The following TTBK2 variants were observed in gnomAD, a reference collection of about 807,000 sequenced individuals.
TTBK2 encodes the protein tau-tubulin kinase 2.
A neutral mutation model predicts 110.8 loss-of-function variants in TTBK2; 28 were observed. That is an observed-to-expected ratio of 0.25 (90% CI 0.19 to 0.35). The LOEUF (loss-of-function observed/expected upper bound fraction) is 0.35, where lower values mean the gene tolerates loss of function less well. Ranked by LOEUF, TTBK2 falls within the 10% of genes least tolerant of loss-of-function variation. The pLI is 1.00. For missense variants in TTBK2, 1,369 were observed against 1,500.3 expected (o/e 0.91, Z 1.45); for synonymous variants, 532 against 527.3 (o/e 1.01, Z -0.12).
chr15:42,803,814 TGA>T (rs1474149520), intron 9 of TTBK2, among the ~76,000 whole-genome samples: 1 of 152,018 alleles, frequency 6.6e-6, no homozygotes, highest in Non-Finnish European at 1.5e-5. Context: ...GCCGATCACC[TGA>T]GGTCAGGAGT....
chr15:42,786,659 C>T (rs1447003549), intron 10 of TTBK2, among the ~76,000 whole-genome samples: 2 of 152,102 alleles, frequency 1.3e-5, no homozygotes, highest in African/African-American at 4.8e-5. Flanking sequence ...CCTACTTTTT[C>T]TCTTATCTCT....
intron 9 of TTBK2, among the ~76,000 whole-genome samples, chr15:42,804,569 C>A (rs1199264704): frequency 6.6e-6 from 1 of 152,100 alleles, no homozygotes; most frequent in Non-Finnish European, 1.5e-5. Context: ...TTAAACAGGT[C>A]TTTTAAGTAT....
intron 7 of TTBK2, among the ~76,000 whole-genome samples, chr15:42,812,189 T>C (rs1209231113): frequency 2.6e-5 from 4 of 152,266 alleles, no homozygotes; most frequent in Middle Eastern, 3.4e-3. Flanking sequence ...GGGACAGGCA[T>C]AAAGGCCTTG....
chr15:42,784,210 T>C (rs1890308325), intron 10 of TTBK2, among the ~76,000 whole-genome samples: 1 of 152,230 alleles, frequency 6.6e-6, no homozygotes, highest in Non-Finnish European at 1.5e-5. Flanking sequence ...CACCCTAATT[T>C]GACAATCACT....
In TTBK2 at chr15:42,740,292, C is replaced by T. The variant is rs2061742142; in HGVS notation, c.*5503G>A. The stretch of plus-strand genomic sequence containing the variant: ...AAGGCTTCACTACTTTTACATGTTA[C>T]CTTAAGACCAAAGATCCAGCAAAGT... On this transcript the variant is annotated 3_prime_UTR_variant, in exon 15 of 15. Transcript: ENST00000267890. 1 of 152,184 alleles carries T rather than the reference C, an allele frequency of 6.6e-6. No homozygotes were observed. The highest frequency in any genetic ancestry group is 1.5e-5 in the Non-Finnish European group (1 of 68,032). The allele number at this position is 152,184 out of a possible 1,614,324, so 9.4% of individuals were successfully genotyped here. A position where few individuals can be genotyped will look rare whatever the true frequency, so the allele number is the denominator to read the frequency against.
intron 13 of TTBK2, among the ~76,000 whole-genome samples, chr15:42,753,696 G>C (rs557888948): frequency 5.9e-5 from 9 of 152,282 alleles, no homozygotes; most frequent in African/African-American, 1.9e-4. Context: ...CCTGGCCACA[G>C]CTCCCTTCTT....
intron 4 of TTBK2, among the ~76,000 whole-genome samples, chr15:42,838,297 G>A (rs2141009995): frequency 6.6e-6 from 1 of 152,054 alleles, no homozygotes; most frequent in African/African-American, 2.4e-5. Context: ...CTAGATCTAG[G>A]CAGCAAGATC....
chr15:42,763,863 TCCTTA>T (rs1244748782), intron 13 of TTBK2, among the ~76,000 whole-genome samples: 1 of 152,180 alleles, frequency 6.6e-6, no homozygotes, highest in Non-Finnish European at 1.5e-5. Context: ...GCTGCTTTTG[TCCTTA>T]CCTTGTCATC....
intron 7 of TTBK2, among the ~76,000 whole-genome samples, chr15:42,815,958 A>AAATATATATATATATATATAT (rs71108183): frequency 2.1e-4 from 19 of 91,690 alleles, no homozygotes; most frequent in African/African-American, 7.4e-4. Flanking sequence ...TTAAAAAAAA[A>AAATATATATATATATATATAT]ATATATATAT....
chr15:42,865,272 C>G (rs1367279842), intron 3 of TTBK2, among the ~76,000 whole-genome samples: 9 of 151,838 alleles, frequency 5.9e-5, no homozygotes, highest in Admixed American at 5.9e-4. Context: ...CCAGCCTAGC[C>G]AACATGGTGA....
intron 3 of TTBK2, among the ~76,000 whole-genome samples, chr15:42,855,750 T>TG (rs1480969292): frequency 1.3e-4 from 20 of 152,348 alleles, no homozygotes; most frequent in Non-Finnish European, 2.6e-4. Flanking sequence ...AGTGGTGCGA[T>TG]TTCGGCTCAC....
chr15:42,873,816 T>G (rs1319677555), intron 2 of TTBK2, among the ~76,000 whole-genome samples: 2 of 152,134 alleles, frequency 1.3e-5, no homozygotes, highest in African/African-American at 4.8e-5. Context: ...CTAGGTTGTC[T>G]CCTTATCACA....
chr15:42,838,767 G>A lies in TTBK2; in HGVS notation c.291+1593C>T, dbSNP rs182900803. ...GGAGACGGAGGTTTCAGTGAGCCAA[G>A]ACTGCACTACTACACTCCAGCCTGG... On this transcript the variant is annotated intron_variant, in intron 4 of 14. Coordinates refer to ENST00000267890, the MANE Select transcript of TTBK2 (RefSeq NM_173500.4). Among the ~76,000 whole-genome samples, 30 of 151,948 alleles carry A rather than the reference G, an allele frequency of 2.0e-4. No homozygotes were observed. The East Asian group carries it at 3.5e-3, about 18-fold the overall frequency.
intron 1 of TTBK2, among the ~76,000 whole-genome samples, chr15:42,879,829 T>A (rs911443691): frequency 1.5e-4 from 23 of 151,900 alleles, no homozygotes; most frequent in African/African-American, 5.6e-4. Context: ...AGATCCCGTC[T>A]CTACAACAAA....
chr15:42,763,106 A>ATATATATATATACG lies in TTBK2; in HGVS notation c.1999-9860_1999-9859insCGTATATATATATA, dbSNP rs1567008462. On this transcript the variant is annotated intron_variant, in intron 13 of 14. Coordinates refer to ENST00000267890, the MANE Select transcript of TTBK2 (RefSeq NM_173500.4). Reference sequence around the variant, plus strand: ...ATTTTATATATATATATATATACGTATATATATATATACACATATATATAC... The same window carrying ATATATATATATACG: ...ATTTTATATATATATATATATACGTATATATATATATACGTATATATATATACACATATATATAC... Among the ~76,000 whole-genome samples the ATATATATATATACG allele has an allele frequency of 2.6e-4, 30 of 113,516 alleles. 1 individual carries two copies. Among genetic ancestry groups the ATATATATATATACG allele is most frequent in the African/African-American group, 1.1e-3 (28 of 25,318 alleles). The allele number at this position is 113,516 out of a possible 152,430, so 74.5% of individuals were successfully genotyped here. A position where few individuals can be genotyped will look rare whatever the true frequency, so the allele number is the denominator to read the frequency against.
chr15:42,903,690 T>C (rs1232296121), intron 1 of TTBK2, among the ~76,000 whole-genome samples: 2 of 152,196 alleles, frequency 1.3e-5, no homozygotes, highest in East Asian at 1.9e-4. Flanking sequence ...CTTCTAAAAA[T>C]GGCTCTCAAT....
intron 14 of TTBK2, among the ~76,000 whole-genome samples, chr15:42,751,727 G>A (rs995660284): frequency 6.6e-6 from 1 of 152,228 alleles, no homozygotes; most frequent in Non-Finnish European, 1.5e-5. Flanking sequence ...CTGCGTGACA[G>A]AGCGAGACTC....
chr15:42,795,874 G>C (rs1890917681), intron 9 of TTBK2, among the ~76,000 whole-genome samples: 1 of 150,888 alleles, frequency 6.6e-6, no homozygotes, highest in Non-Finnish European at 1.5e-5. Flanking sequence ...GATTACTTCA[G>C]CTATTAAGTG....
At chr15:42,845,633 CAAAAAAAAAAAAA>C (rs894783459) in intron 3 of TTBK2, among the ~76,000 whole-genome samples, 1 of 15,280 alleles carries the variant, frequency 6.5e-5, no homozygotes, top group Non-Finnish European at 2.1e-4. Flanking sequence ...GGCTGCATCT[CAAAAAAAAAAAAA>C]AAAAAAAAAA....
Sources: gnomAD v4.1 joint callset for allele counts (sites outside exome capture counted in the v4.1 genomes callset) on GRCh38, gnomAD v4.1.1 for gene constraint, MANE v1.5 for transcripts, NCBI Gene and HGNC (gene_info 2026-07-23, HGNC 2026-07-21) for gene names.